Variants in EGFL6 observed in about 807,000 individuals in gnomAD.
EGFL6 encodes EGF like domain multiple 6, also known as epidermal growth factor-like protein 6.
Under a neutral mutation model 43.1 loss-of-function variants are expected in EGFL6, and 42 were observed. That is an observed-to-expected ratio of 0.98 (90% CI 0.76 to 1.26). The LOEUF (loss-of-function observed/expected upper bound fraction) is 1.26, where lower values mean the gene tolerates loss of function less well. Ranked by LOEUF, EGFL6 falls within the 50% of genes most tolerant of loss-of-function variation. EGFL6 has a pLI of 0.00. For synonymous variants in EGFL6, 164 were observed against 163.2 expected (o/e 1.01, Z -0.04); for missense variants, 429 against 427.8 (o/e 1.00, Z -0.02).
At position 13,633,238 on chromosome X, in the gene EGFL6, G is replaced by A. The variant is rs111877771; in HGVS notation, c.*143G>A. ...AATATTATTGTAAGATGCCTTTCTT[G>A]TATAAGATATGCCAATATTTGCTTT... On this transcript the variant is annotated 3_prime_UTR_variant, in exon 12 of 12. Coordinates refer to ENST00000361306, the MANE Select transcript of EGFL6 (RefSeq NM_015507.4). 23,150 of 441,039 alleles carry A rather than the reference G, an allele frequency of 0.052. 1,386 individuals are homozygous for A. Among genetic ancestry groups the A allele is most frequent in the African/African-American group, 0.26 (10,034 of 38,568 alleles). The allele number at this position is 441,039 out of a possible 1,213,427, so 36.3% of individuals were successfully genotyped here.
chrX:13,600,867 C>T (rs750055602), intron 4 of EGFL6, among the ~76,000 whole-genome samples: 1 of 109,073 alleles, frequency 9.2e-6, no homozygotes, highest in South Asian at 4.0e-4. Flanking sequence ...AATTCAGTGG[C>T]TTTTAGTACA....
chrX:13,599,264 G>A (rs915157737), intron 3 of EGFL6, among the ~76,000 whole-genome samples: 6 of 111,283 alleles, frequency 5.4e-5, no homozygotes, highest in Admixed American at 9.6e-5. Flanking sequence ...TGTATGGCTC[G>A]ATGAATTTTT....
chrX:13,607,291 G>A (rs555848563), intron 6 of EGFL6, among the ~76,000 whole-genome samples: 4 of 111,191 alleles, frequency 3.6e-5, no homozygotes, highest in African/African-American at 1.3e-4. Context: ...CCCGTAACAC[G>A]TGTAACAAAG....
At chrX:13,578,729 T>A (rs1360588186) in intron 1 of EGFL6, among the ~76,000 whole-genome samples, 6 of 108,499 alleles carry the variant, frequency 5.5e-5, no homozygotes, top group African/African-American at 1.7e-4. Context: ...AATTGAACAA[T>A]GAGAACACTT....
intron 4 of EGFL6, among the ~76,000 whole-genome samples, chrX:13,600,799 G>A (rs376705763): frequency 0.021 from 1,990 of 96,739 alleles, 54 homozygotes; most frequent in African/African-American, 0.07. Context: ...ATCTCAGAAA[G>A]AAAAAAAAAA....
intron 1 of EGFL6, among the ~76,000 whole-genome samples, chrX:13,584,189 C>T (rs2045522706): frequency 9.0e-6 from 1 of 111,587 alleles, no homozygotes; most frequent in Non-Finnish European, 1.9e-5. Context: ...TATAGTAGAG[C>T]CAGAATTCAA....
At chrX:13,583,698 C>T (rs1433928437) in intron 1 of EGFL6, among the ~76,000 whole-genome samples, 1 of 111,856 alleles carries the variant, frequency 8.9e-6, no homozygotes, top group African/African-American at 3.3e-5. Flanking sequence ...TGATAATCTC[C>T]CCTTAGAATG....
intron 1 of EGFL6, among the ~76,000 whole-genome samples, chrX:13,580,596 C>A (rs777370707): frequency 1.8e-5 from 2 of 111,492 alleles, no homozygotes; most frequent in Non-Finnish European, 3.8e-5. Context: ...AAGTCCATCT[C>A]CTTCTATCCC....
intron 1 of EGFL6, among the ~76,000 whole-genome samples, chrX:13,580,470 C>A (rs1255702195): frequency 2.7e-5 from 3 of 111,855 alleles, no homozygotes; most frequent in African/African-American, 9.8e-5. Context: ...CACCCCAGAA[C>A]AAACAGCATC....
At chrX:13,589,789 C>A in intron 2 of EGFL6, 121 bp downstream of exon 2, 1 of 497,281 alleles carries the variant, frequency 2.0e-6, no homozygotes, top group Non-Finnish European at 3.2e-6. Context: ...GCATAACTAC[C>A]AATAACCAAG....
At chrX:13,602,303 A>G (rs1331007048) in intron 4 of EGFL6, among the ~76,000 whole-genome samples, 8 of 111,684 alleles carry the variant, frequency 7.2e-5, no homozygotes. Context: ...CTGAAACCAT[A>G]TGAGTTTCTT....
intron 3 of EGFL6, among the ~76,000 whole-genome samples, chrX:13,599,756 C>T (rs760734564): frequency 1.6e-4 from 18 of 110,193 alleles, no homozygotes; most frequent in Admixed American, 3.9e-4. Context: ...AAGTGTTGTA[C>T]CAATTTACAT....
intron 1 of EGFL6, among the ~76,000 whole-genome samples, chrX:13,582,596 C>T (rs887920167): frequency 1.4e-4 from 15 of 111,043 alleles, no homozygotes; most frequent in Admixed American, 1.9e-4. Context: ...ACACTTTATA[C>T]GACATCAAAA....
intron 2 of EGFL6, among the ~76,000 whole-genome samples, chrX:13,591,712 G>A (rs1227737933): frequency 9.0e-6 from 1 of 110,781 alleles, no homozygotes; most frequent in African/African-American, 3.3e-5. Context: ...GTCTACCCAG[G>A]CCTTCCCCTC....
chrX:13,590,706 A>T (rs1232315953), intron 2 of EGFL6, among the ~76,000 whole-genome samples: 1 of 112,363 alleles, frequency 8.9e-6, no homozygotes, highest in African/African-American at 3.2e-5. Flanking sequence ...AAAACAATAG[A>T]AAACATTGAT....
rs1179546215 is a variant in EGFL6 at position 13,623,858 on chromosome X, T to C, written c.1218T>C (p.His406=). 1.7e-6 allele frequency: 2 copies of C among 1,207,579 alleles called. No individual in the cohort carries two copies. Among genetic ancestry groups the C allele is most frequent in the African/African-American group, 3.5e-5 (2 of 56,971 alleles). ...LNISVDCSFN[H]GICDWKQDRE... is the part of the protein sequence containing the mutation. ...TCTCGGTTGACTGCAGCTTCAATCA[T>C]GGGATCTGTGACTGGAAACAGGATA... is the stretch of plus-strand genomic sequence containing the variant. The change falls in exon 10 of 12, where the codon CAT becomes CAC. Residue 406 remains histidine, a synonymous_variant. Transcript: ENST00000361306.
intron 7 of EGFL6, among the ~76,000 whole-genome samples, chrX:13,609,764 A>T (rs1444343768): frequency 9.0e-6 from 1 of 111,292 alleles, no homozygotes; most frequent in Non-Finnish European, 1.9e-5. Flanking sequence ...AAAAAATTAA[A>T]AAATAAATAA....
At chrX:13,581,221 T>C (rs1382428862) in intron 1 of EGFL6, among the ~76,000 whole-genome samples, 1 of 111,824 alleles carries the variant, frequency 8.9e-6, no homozygotes. Context: ...GCATTAGAAA[T>C]TTGAGGACAC....
intron 10 of EGFL6, among the ~76,000 whole-genome samples, chrX:13,626,642 C>T (rs1244314906): frequency 8.9e-6 from 1 of 112,011 alleles, no homozygotes; most frequent in Non-Finnish European, 1.9e-5. Flanking sequence ...GAAGTGCATT[C>T]TAAGTTTCAA....
Sources: allele counts gnomAD v4.1 joint callset (sites outside exome capture counted in the v4.1 genomes callset), GRCh38; gene constraint gnomAD v4.1.1; transcripts MANE v1.5; gene names NCBI Gene and HGNC (gene_info 2026-07-23, HGNC 2026-07-21).